The following GRIA1 variants were observed in gnomAD, a reference collection of about 807,000 sequenced individuals.
The protein encoded by GRIA1 is glutamate receptor 1.
In GRIA1, 31 loss-of-function variants were observed where a neutral mutation model predicts 99.2. The ratio of observed to expected loss-of-function variants is 0.31; its 90% confidence interval spans 0.23 to 0.42. The LOEUF (loss-of-function observed/expected upper bound fraction) is 0.42, where lower values mean the gene tolerates loss of function less well. Ranked by LOEUF, GRIA1 falls within the 10% of genes least tolerant of loss-of-function variation. GRIA1 has a pLI of 1.00. For missense variants in GRIA1, 782 were observed against 1,157.5 expected (o/e 0.68, Z 4.71); for synonymous variants, 438 against 432.4 (o/e 1.01, Z -0.16).
At chr5:153,706,953 CAATAAT>C (rs1476634831) in intron 11 of GRIA1, among the ~76,000 whole-genome samples, 1 of 151,798 alleles carries the variant, frequency 6.6e-6, no homozygotes. Context: ...AATAATAAAA[CAATAAT>C]AATAATAAAT....
chr5:153,691,517 G>A (rs1484213269), intron 8 of GRIA1, among the ~76,000 whole-genome samples: 1 of 152,062 alleles, frequency 6.6e-6, no homozygotes, highest in Non-Finnish European at 1.5e-5. Flanking sequence ...TGTATAACTA[G>A]AATGAAAAGA....
chr5:153,605,095 G>A (rs1765330533), intron 2 of GRIA1, among the ~76,000 whole-genome samples: 1 of 151,864 alleles, frequency 6.6e-6, no homozygotes, highest in Admixed American at 6.6e-5. Context: ...GCTGAGACAG[G>A]AGAATCGCTT....
intron 5 of GRIA1, among the ~76,000 whole-genome samples, chr5:153,663,025 G>C (rs1441007748): frequency 2.6e-5 from 4 of 152,158 alleles, no homozygotes; most frequent in Non-Finnish European, 5.9e-5. Context: ...ACTGCCCAGA[G>C]CCTTTGGAAG....
intron 8 of GRIA1, among the ~76,000 whole-genome samples, chr5:153,692,566 A>G (rs186798448): frequency 9.2e-5 from 14 of 152,316 alleles, no homozygotes; most frequent in Admixed American, 6.5e-4. Flanking sequence ...AACAACAGAG[A>G]TAAGTAGTGG....
At chr5:153,706,224 C>T (rs760826895) in intron 11 of GRIA1, 157 bp downstream of exon 11, 65 of 711,698 alleles carry the variant, frequency 9.1e-5, no homozygotes, top group South Asian at 3.5e-4. Context: ...GTCCATTGCA[C>T]GCTGTGGATT....
Position 153,617,694 on chromosome 5 carries a change from C to T in GRIA1, c.221-29234C>T, listed in dbSNP as rs549016422. Among the ~76,000 whole-genome samples, 10 of 152,324 alleles carry T rather than the reference C, an allele frequency of 6.6e-5. No homozygotes were observed. In the East Asian group the frequency reaches 1.9e-3, roughly 29 times the overall value. On this transcript the variant is annotated intron_variant, in intron 2 of 15. Transcript: ENST00000285900. ...TACAGAACAAACCAACTGAAGCATA[C>T]TTTAGGATAGGCCACACCTCTAATC...
intron 2 of GRIA1, among the ~76,000 whole-genome samples, chr5:153,499,810 A>G (rs1452945407): frequency 6.6e-6 from 1 of 152,032 alleles, no homozygotes; most frequent in African/African-American, 2.4e-5. Flanking sequence ...GCAGGCATTA[A>G]AGGGTGGAGC....
intron 12 of GRIA1, among the ~76,000 whole-genome samples, chr5:153,769,041 C>G (rs1367838200): frequency 6.6e-6 from 1 of 152,136 alleles, no homozygotes; most frequent in Non-Finnish European, 1.5e-5. Context: ...TGTGACGGAC[C>G]CACAGGAGGG....
chr5:153,601,698 C>G (rs1161027145), intron 2 of GRIA1, among the ~76,000 whole-genome samples: 1 of 152,212 alleles, frequency 6.6e-6, no homozygotes, highest in Non-Finnish European at 1.5e-5. Flanking sequence ...GATGGGAGAG[C>G]CAGTTTGCAA....
chr5:153,631,656 T>C (rs1752975518), intron 2 of GRIA1, among the ~76,000 whole-genome samples: 1 of 152,156 alleles, frequency 6.6e-6, no homozygotes, highest in South Asian at 2.1e-4. Flanking sequence ...GTTCCTGATA[T>C]CAAAATATTG....
intron 5 of GRIA1, among the ~76,000 whole-genome samples, chr5:153,665,270 A>G (rs893700519): frequency 6.6e-6 from 1 of 152,210 alleles, no homozygotes; most frequent in South Asian, 2.1e-4. Flanking sequence ...GACATTTACA[A>G]TGCTTTGTCA....
At chr5:153,755,371 A>C (rs1164776132) in intron 11 of GRIA1, 2 of 152,382 alleles carry the variant, frequency 1.3e-5, no homozygotes, top group Non-Finnish European at 2.9e-5. Context: ...TGACATCAAC[A>C]AGATGGCAGA....
At chr5:153,793,814 C>T (rs186992938) in intron 13 of GRIA1, among the ~76,000 whole-genome samples, 1 of 152,182 alleles carries the variant, frequency 6.6e-6, no homozygotes, top group Admixed American at 6.5e-5. Context: ...GAGCAGGTGT[C>T]TGTGGTCCTC....
intron 14 of GRIA1, among the ~76,000 whole-genome samples, chr5:153,797,018 G>A (rs1551765): frequency 0.25 from 38,571 of 152,096 alleles, 6,503 homozygotes; most frequent in East Asian, 0.91. Flanking sequence ...GCTCTGCTCC[G>A]CTTGCTCCTT....
chr5:153,796,255 T>C (rs1765640335), intron 14 of GRIA1, among the ~76,000 whole-genome samples: 1 of 152,074 alleles, frequency 6.6e-6, no homozygotes, highest in Non-Finnish European at 1.5e-5. Context: ...CTGCAGAGGA[T>C]TTAATCCCAC....
At chr5:153,706,136 T>TTTGTTTGTTTG (rs1554116521) in intron 11 of GRIA1, 69 bp downstream of exon 11, 5 of 572,970 alleles carry the variant, frequency 8.7e-6, no homozygotes, top group Non-Finnish European at 7.6e-6. Flanking sequence ...TTGTTTGTTT[T>TTTGTTTGTTTG]TTAAATACTG....
At chr5:153,755,778 G>T (rs577924143) in intron 11 of GRIA1, 1 of 152,346 alleles carries the variant, frequency 6.6e-6, no homozygotes, top group East Asian at 1.9e-4. Context: ...CAGGAAAAAA[G>T]TCTCTCTGCA....
chr5:153,548,830 G>T (rs1421873514), intron 2 of GRIA1, among the ~76,000 whole-genome samples: 1 of 152,042 alleles, frequency 6.6e-6, no homozygotes, highest in African/African-American at 2.4e-5. Flanking sequence ...TATTTTCTAA[G>T]ACTGGGATTA....
chr5:153,745,565 G>C (rs80354028), intron 11 of GRIA1, among the ~76,000 whole-genome samples: 1,858 of 135,388 alleles, frequency 0.014, 22 homozygotes, highest in Non-Finnish European at 0.022. Flanking sequence ...CTCCAGCCTG[G>C]GCAACAAAAG....
Sources: allele counts gnomAD v4.1 joint callset (sites outside exome capture counted in the v4.1 genomes callset), GRCh38; gene constraint gnomAD v4.1.1; transcripts MANE v1.5; gene names NCBI Gene and HGNC (gene_info 2026-07-23, HGNC 2026-07-21).